The following KIAA1217 variants were observed in gnomAD, a reference collection of about 807,000 sequenced individuals.
The protein encoded by KIAA1217 is sickle tail protein homolog.
Under a neutral mutation model 163.9 loss-of-function variants are expected in KIAA1217, and 88 were observed. The ratio of observed to expected loss-of-function variants is 0.54; its 90% confidence interval spans 0.45 to 0.64. KIAA1217 has a LOEUF of 0.64. KIAA1217 is among the 30% of genes least tolerant of loss of function. KIAA1217 has a pLI of 0.00. For missense variants in KIAA1217, 2,372 were observed against 2,475.0 expected, an observed-to-expected ratio of 0.96 and a Z score of 0.88; for synonymous variants, 903 against 923.1, an observed-to-expected ratio of 0.98 and a Z score of 0.39.
At chr10:24,464,660 C>T (rs954715128) in intron 5 of KIAA1217, among the ~76,000 whole-genome samples, 3 of 152,086 alleles carry the variant, frequency 2.0e-5, no homozygotes, top group African/African-American at 7.2e-5. Context: ...TAAGTTTTTA[C>T]TTTTTGTATA....
At chr10:24,093,131 C>T (rs758746694) in intron 2 of KIAA1217, among the ~76,000 whole-genome samples, 10 of 151,302 alleles carry the variant, frequency 6.6e-5, no homozygotes, top group Admixed American at 2.0e-4. Context: ...GTATCTGGGA[C>T]TACAGGCACG....
chr10:24,521,107 G>T (rs1248812656), intron 11 of KIAA1217, among the ~76,000 whole-genome samples: 1 of 150,212 alleles, frequency 6.7e-6, no homozygotes, highest in Non-Finnish European at 1.5e-5. Context: ...GCTGAGGCGG[G>T]CAGATCACTT....
At chr10:24,525,585 A>T (rs1345788004) in intron 13 of KIAA1217, among the ~76,000 whole-genome samples, 1 of 152,184 alleles carries the variant, frequency 6.6e-6, no homozygotes, top group Non-Finnish European at 1.5e-5. Context: ...TACAGAATTG[A>T]TTGAGGTGGT....
chr10:23,828,167 C>T (rs946546780), intron 1 of KIAA1217, among the ~76,000 whole-genome samples: 8 of 152,112 alleles, frequency 5.3e-5, no homozygotes, highest in Admixed American at 2.0e-4. Flanking sequence ...TTGTTTAGTT[C>T]GGAGCTATGC....
intron 2 of KIAA1217, among the ~76,000 whole-genome samples, chr10:24,047,399 C>T (rs1025704867): frequency 1.3e-5 from 2 of 152,110 alleles, no homozygotes; most frequent in Non-Finnish European, 2.9e-5. Flanking sequence ...ATTTCGTCAA[C>T]CATTAAAGAA....
In KIAA1217 at chr10:24,400,549, C is replaced by G. The variant is rs534797033; in HGVS notation, c.553+19482C>G. 8.5e-5 allele frequency among the ~76,000 whole-genome samples: 13 copies of G among 152,262 alleles called. No individual in the cohort carries two copies. In the East Asian group the frequency reaches 9.7e-4, roughly 11 times the overall value. On this transcript the variant is annotated intron_variant, in intron 3 of 20. Transcript: ENST00000376454. ...GTGATGCTTTGGTTAAAAGAAGCCACAGATCCATGCTTACCTCCAAAGGGG... is the reference window on the plus strand; with the variant it reads ...GTGATGCTTTGGTTAAAAGAAGCCAGAGATCCATGCTTACCTCCAAAGGGG...
At chr10:24,121,694 C>T (rs1162187766) in intron 2 of KIAA1217, among the ~76,000 whole-genome samples, 1 of 152,026 alleles carries the variant, frequency 6.6e-6, no homozygotes, top group Non-Finnish European at 1.5e-5. Context: ...CAGCAAAATG[C>T]CTTTTTCAAC....
At chr10:24,210,813 G>T (rs1046491145) in intron 1 of KIAA1217, among the ~76,000 whole-genome samples, 1 of 152,100 alleles carries the variant, frequency 6.6e-6, no homozygotes, top group African/African-American at 2.4e-5. Flanking sequence ...CAGGGGGTGG[G>T]GAGCTGGTAG....
intron 2 of KIAA1217, among the ~76,000 whole-genome samples, chr10:24,024,287 T>G (rs1211400520): frequency 6.6e-6 from 1 of 151,702 alleles, no homozygotes; most frequent in Non-Finnish European, 1.5e-5. Flanking sequence ...ATTGTCCTCT[T>G]TTGCAGTCAC....
intron 2 of KIAA1217, among the ~76,000 whole-genome samples, chr10:24,151,204 G>A (rs182283851): frequency 3.3e-5 from 5 of 152,048 alleles, no homozygotes; most frequent in Middle Eastern, 3.4e-3. Flanking sequence ...TGTAGAGGGT[G>A]GGGGAAGAAC....
At chr10:24,285,778 AT>A (rs1284724297) in intron 2 of KIAA1217, among the ~76,000 whole-genome samples, 1 of 152,200 alleles carries the variant, frequency 6.6e-6, no homozygotes, top group Non-Finnish European at 1.5e-5. Context: ...GAATCTTTAG[AT>A]TGCTTTGGGC....
intron 2 of KIAA1217, among the ~76,000 whole-genome samples, chr10:24,361,645 A>G (rs1196850624): frequency 6.6e-6 from 1 of 152,102 alleles, no homozygotes; most frequent in East Asian, 1.9e-4. Context: ...CTCCTTGTAG[A>G]TAACTGTAGA....
At chr10:23,704,112 A>C in intron 1 of KIAA1217, among the ~76,000 whole-genome samples, 1 of 141,910 alleles carries the variant, frequency 7.0e-6, no homozygotes, top group African/African-American at 2.6e-5. Flanking sequence ...TATTATGCAC[A>C]CACATACACA....
At chr10:24,341,879 A>G (rs1302889554) in intron 2 of KIAA1217, among the ~76,000 whole-genome samples, 1 of 152,148 alleles carries the variant, frequency 6.6e-6, no homozygotes, top group Non-Finnish European at 1.5e-5. Flanking sequence ...AAAAAAAAAA[A>G]GATAGCCACA....
intron 1 of KIAA1217, among the ~76,000 whole-genome samples, chr10:23,965,859 G>A (rs1109900): frequency 1.3e-5 from 2 of 152,002 alleles, no homozygotes; most frequent in Non-Finnish European, 2.9e-5. Context: ...TTTGCCATCC[G>A]GTTACCTTAA....
rs544345557 is a variant in KIAA1217 at position 24,097,164 on chromosome 10, C to A, written c.-171+89790C>A. 7.9e-5 allele frequency among the ~76,000 whole-genome samples: 12 copies of A among 152,114 alleles called. No individual in the cohort carries two copies. The South Asian group carries it at 1.0e-3, about 13-fold the overall frequency. ...ATAGGCCAGGCATGGAGGAATATAG[C>A]CTGGATTAGAATGGTGACAATAGGA... On this transcript the variant is annotated intron_variant, in intron 2 of 18. Transcript: ENST00000376462.
At chr10:24,454,638 T>G (rs569547018) in intron 5 of KIAA1217, among the ~76,000 whole-genome samples, 1 of 152,290 alleles carries the variant, frequency 6.6e-6, no homozygotes, top group South Asian at 2.1e-4. Flanking sequence ...GGTCAGGGTC[T>G]GATAGCTTCG....
In KIAA1217 at chr10:24,132,489, A is replaced by G. The variant is rs542797883; in HGVS notation, c.-170-87137A>G. Reference sequence around the variant, plus strand: ...CTCAATTTTAGAGGCTACGAGGAATATAAGATGAATCGGACATTGTCTCTG... The same window carrying G: ...CTCAATTTTAGAGGCTACGAGGAATGTAAGATGAATCGGACATTGTCTCTG... On this transcript the variant is annotated intron_variant, in intron 2 of 18. Coordinates refer to the KIAA1217 transcript ENST00000376462. 7.2e-5 allele frequency among the ~76,000 whole-genome samples: 11 copies of G among 152,342 alleles called. No individual in the cohort carries two copies. In the East Asian group the frequency reaches 7.7e-4, roughly 11 times the overall value.
chr10:24,376,101 G>A (rs1006625820), intron 2 of KIAA1217, among the ~76,000 whole-genome samples: 8 of 152,222 alleles, frequency 5.3e-5, no homozygotes, highest in Non-Finnish European at 1.0e-4. Flanking sequence ...TGTTCATGAT[G>A]TTAAAATGAA....
Sources: allele counts gnomAD v4.1 joint callset (sites outside exome capture counted in the v4.1 genomes callset), GRCh38; gene constraint gnomAD v4.1.1; transcripts MANE v1.5; gene names NCBI Gene and HGNC (gene_info 2026-07-23, HGNC 2026-07-21).